The following MAPK10 variants were observed in gnomAD, a reference collection of about 807,000 sequenced individuals.
MAPK10 encodes JNK3 alpha protein kinase.
In MAPK10, 25 loss-of-function variants were observed where a neutral mutation model predicts 59.3. That is an observed-to-expected ratio of 0.42 (90% CI 0.31 to 0.59). MAPK10 has a LOEUF of 0.59. Among genes scored for constraint, MAPK10 ranks in the 20% least tolerant of loss-of-function variants. The pLI is 0.15. For synonymous variants in MAPK10, 190 were observed against 200.5 expected, an observed-to-expected ratio of 0.95 and a Z score of 0.44; for missense variants, 351 against 568.9, an observed-to-expected ratio of 0.62 and a Z score of 3.90.
At chr4:86,119,106 T>A (rs984582564) in intron 4 of MAPK10, among the ~76,000 whole-genome samples, 6 of 152,234 alleles carry the variant, frequency 3.9e-5, no homozygotes, top group Non-Finnish European at 5.9e-5. Context: ...CAAGTTTGGT[T>A]ATATTTGTTG....
chr4:86,265,548 A>G (rs963744283), intron 2 of MAPK10, among the ~76,000 whole-genome samples: 2 of 152,072 alleles, frequency 1.3e-5, no homozygotes, highest in Non-Finnish European at 2.9e-5. Context: ...ATTCACTATT[A>G]AACCCCAAAG....
intron 1 of MAPK10, among the ~76,000 whole-genome samples, chr4:86,477,027 C>T (rs1233011548): frequency 6.6e-6 from 1 of 152,218 alleles, no homozygotes; most frequent in African/African-American, 2.4e-5. Context: ...CTCTGACTGA[C>T]TCCTTCCCAG....
chr4:86,040,264 T>C (rs1373092956), intron 11 of MAPK10, among the ~76,000 whole-genome samples: 4 of 152,062 alleles, frequency 2.6e-5, no homozygotes, highest in Non-Finnish European at 5.9e-5. Flanking sequence ...GGAAACAATT[T>C]CATAAAATCA....
intron 3 of MAPK10, among the ~76,000 whole-genome samples, chr4:86,167,486 C>G (rs7685683): frequency 0.18 from 27,463 of 152,142 alleles, 3,023 homozygotes; most frequent in African/African-American, 0.31. Flanking sequence ...ACTGTCAAAC[C>G]TAATCCAGCA....
intron 2 of MAPK10, chr4:86,219,729 T>C (rs1412269912): frequency 6.8e-6 from 1 of 146,426 alleles, no homozygotes; most frequent in African/African-American, 2.8e-5. Context: ...TTGAAGACTT[T>C]AAAATAATTC....
rs546983582 is a variant in MAPK10, at chr4:86,241,803, T to G, written c.-6-47396A>C. Among the ~76,000 whole-genome samples, 355 of 152,324 alleles carry G rather than the reference T, an allele frequency of 2.3e-3. 3 individuals carry two copies. Among genetic ancestry groups the G allele is most frequent in the African/African-American group, 8.2e-3 (340 of 41,576 alleles). Reference sequence around the variant, plus strand: ...CCTTCAGCTCAGCATAGTTTTTCATTACCCATCTTCTGAAGGCTACTTCTG... The same window carrying G: ...CCTTCAGCTCAGCATAGTTTTTCATGACCCATCTTCTGAAGGCTACTTCTG... On this transcript the variant is annotated intron_variant, in intron 2 of 13. Coordinates refer to ENST00000641462, the MANE Select transcript of MAPK10 (RefSeq NM_138982.4).
intron 2 of MAPK10, among the ~76,000 whole-genome samples, chr4:86,245,109 A>G (rs1018939187): frequency 6.6e-6 from 1 of 152,152 alleles, no homozygotes; most frequent in African/African-American, 2.4e-5. Flanking sequence ...ATTTGTAACC[A>G]TGTTCCTGGA....
intron 9 of MAPK10, among the ~76,000 whole-genome samples, chr4:86,093,971 C>G (rs1231673746): frequency 6.6e-6 from 1 of 151,692 alleles, no homozygotes; most frequent in South Asian, 2.1e-4. Context: ...TTATTTAAAA[C>G]CATAAATTTT....
chr4:86,583,822 A>T (rs1452586899), intron 1 of MAPK10, among the ~76,000 whole-genome samples: 1 of 152,214 alleles, frequency 6.6e-6, no homozygotes, highest in Non-Finnish European at 1.5e-5. Context: ...AGTAGGTAAC[A>T]GTGCTTTAAA....
At chr4:86,118,341 A>T (rs1273675980) in intron 4 of MAPK10, among the ~76,000 whole-genome samples, 1 of 151,792 alleles carries the variant, frequency 6.6e-6, no homozygotes, top group African/African-American at 2.4e-5. Context: ...TGCTATCTTT[A>T]TGCAGGTAAA....
Position 86,465,347 on chromosome 4 carries a change from A to G in MAPK10, c.-262-110703T>C, listed in dbSNP as rs1752104364. 2.6e-5 allele frequency among the ~76,000 whole-genome samples: 4 copies of G among 152,228 alleles called. 1 individual carries two copies. The highest frequency in any genetic ancestry group is 4.1e-4 in the South Asian group (2 of 4,830). On this transcript the variant is annotated intron_variant, in intron 1 of 4. Coordinates refer to the MAPK10 transcript ENST00000502302. ...AAGCTCTAGCTACATTTTTCTCTGT[A>G]TAGAATATTAAACACATTCCTGGTA...
intron 1 of MAPK10, among the ~76,000 whole-genome samples, chr4:86,570,195 A>T (rs989689845): frequency 1.3e-5 from 2 of 152,214 alleles, no homozygotes; most frequent in African/African-American, 4.8e-5. Context: ...ATAACTCAAA[A>T]TATGGTAGAC....
intron 1 of MAPK10, among the ~76,000 whole-genome samples, chr4:86,374,686 C>T (rs1031204128): frequency 3.9e-5 from 6 of 152,234 alleles, no homozygotes; most frequent in East Asian, 3.8e-4. Flanking sequence ...TGATGTTCCG[C>T]TATAAGGAAT....
rs6531910 is a variant in MAPK10 at position 86,255,339 on chromosome 4, T to G, written c.-6-60932A>C. ...AATGAATAAAGAGCATGAACGGAAT[T>G]TGATATGAAGTTTTTCTGTGGGTGA... On this transcript the variant is annotated intron_variant, in intron 2 of 13. Transcript: ENST00000641462. Among the ~76,000 whole-genome samples the G allele has an allele frequency of 2.0e-5, 3 of 152,090 alleles. No individual in the cohort carries two copies. The East Asian group carries it at 5.8e-4, about 29-fold the overall frequency.
chr4:86,311,152 T>C (rs1564246874), intron 2 of MAPK10, among the ~76,000 whole-genome samples: 1 of 151,894 alleles, frequency 6.6e-6, no homozygotes, highest in Non-Finnish European at 1.5e-5. Flanking sequence ...TGCAAACAAA[T>C]GTAACACATA....
At chr4:86,541,748 T>A (rs1352624329) in intron 1 of MAPK10, among the ~76,000 whole-genome samples, 1 of 152,206 alleles carries the variant, frequency 6.6e-6, no homozygotes, top group Non-Finnish European at 1.5e-5. Context: ...GCTCTGAGTT[T>A]CTGCTGCAGA....
intron 1 of MAPK10, among the ~76,000 whole-genome samples, chr4:86,492,183 C>G (rs1157909372): frequency 6.6e-6 from 1 of 152,116 alleles, no homozygotes; most frequent in Admixed American, 6.5e-5. Context: ...TCTTCAGATT[C>G]AAGGTGCAAT....
At chr4:86,356,600 A>G in intron 1 of MAPK10, 1 of 224,634 alleles carries the variant, frequency 4.5e-6, no homozygotes, top group Non-Finnish European at 7.4e-6. Flanking sequence ...GTTCATGAGG[A>G]TAAAATGTAC....
intron 1 of MAPK10, among the ~76,000 whole-genome samples, chr4:86,401,838 TG>T (rs1743767801): frequency 6.6e-6 from 1 of 152,226 alleles, no homozygotes; most frequent in Non-Finnish European, 1.5e-5. Flanking sequence ...AGAGAACCAC[TG>T]AAATATGTAT....
Sources: allele counts gnomAD v4.1 joint callset (sites outside exome capture counted in the v4.1 genomes callset), GRCh38; gene constraint gnomAD v4.1.1; transcripts MANE v1.5; gene names NCBI Gene and HGNC (gene_info 2026-07-23, HGNC 2026-07-21).